TSPAN18: variants seen among roughly 807,000 people sequenced by gnomAD.
TSPAN18 encodes the protein tetraspanin-18.
In TSPAN18, 14 loss-of-function variants were observed where a neutral mutation model predicts 27.3. The observed-to-expected ratio is 0.51, with a 90% CI of 0.34 to 0.80. TSPAN18 has a LOEUF of 0.80. Ranked by LOEUF, TSPAN18 falls within the 30% of genes least tolerant of loss-of-function variation. TSPAN18 has a pLI of 0.01. For missense variants in TSPAN18, 268 were observed against 323.9 expected (o/e 0.83, Z 1.32); for synonymous variants, 143 against 136.5 (o/e 1.05, Z -0.33).
At chr11:44,870,002 C>T (rs112355487) in intron 3 of TSPAN18, among the ~76,000 whole-genome samples, 1 of 1,450 alleles carries the variant, frequency 6.9e-4, no homozygotes, top group Non-Finnish European at 0.013. Flanking sequence ...TGCCACACTT[C>T]CCCCAAGGGC....
At chr11:44,750,968 T>C (rs4755288) in intron 1 of TSPAN18, among the ~76,000 whole-genome samples, 12,954 of 152,312 alleles carry the variant, frequency 0.085, 1,559 homozygotes, top group African/African-American at 0.27. Flanking sequence ...GAAAGCAGGC[T>C]GCCCTTTGCT....
chr11:44,895,298 C>T (rs1859002134), intron 3 of TSPAN18, among the ~76,000 whole-genome samples: 1 of 152,232 alleles, frequency 6.6e-6, no homozygotes, highest in Non-Finnish European at 1.5e-5. Flanking sequence ...TTTCCAATAT[C>T]TGATGCTGCT....
At chr11:44,814,908 G>A (rs1016813400) in intron 2 of TSPAN18, among the ~76,000 whole-genome samples, 1 of 152,226 alleles carries the variant, frequency 6.6e-6, no homozygotes, top group Non-Finnish European at 1.5e-5. Flanking sequence ...ATGGAAGGGT[G>A]ACAATGGGGG....
chr11:44,754,070 C>T (rs1442620606), intron 1 of TSPAN18, among the ~76,000 whole-genome samples: 1 of 152,178 alleles, frequency 6.6e-6, no homozygotes. Context: ...TTAATCTCCA[C>T]GCTATGAATT....
chr11:44,841,620 T>C (rs1166917723), intron 2 of TSPAN18, among the ~76,000 whole-genome samples: 2 of 152,172 alleles, frequency 1.3e-5, no homozygotes, highest in Non-Finnish European at 2.9e-5. Flanking sequence ...GAAAGGCCTT[T>C]ATGGAGGGGA....
At chr11:44,803,359 A>C (rs1191014836) in intron 2 of TSPAN18, among the ~76,000 whole-genome samples, 3 of 152,174 alleles carry the variant, frequency 2.0e-5, no homozygotes, top group African/African-American at 7.2e-5. Flanking sequence ...TTTTTTCAGC[A>C]AAGAAGGTAT....
At chr11:44,811,415 A>G (rs550568351) in intron 2 of TSPAN18, among the ~76,000 whole-genome samples, 1 of 152,250 alleles carries the variant, frequency 6.6e-6, no homozygotes, top group Admixed American at 6.5e-5. Flanking sequence ...AGCACAATTA[A>G]TCTCCTAGTG....
chr11:44,799,094 C>T (rs372916481), intron 2 of TSPAN18, among the ~76,000 whole-genome samples: 22 of 150,864 alleles, frequency 1.5e-4, no homozygotes, highest in African/African-American at 4.4e-4. Flanking sequence ...TCTGGGAGCT[C>T]CCCAGAGAGT....
intron 6 of TSPAN18, 51 bp downstream of exon 6, chr11:44,918,097 G>A (rs534336642): frequency 6.3e-7 from 1 of 1,589,018 alleles, no homozygotes; most frequent in Non-Finnish European, 8.6e-7. Context: ...GCAAGGGGTT[G>A]GTGGCCATTC....
intron 2 of TSPAN18, among the ~76,000 whole-genome samples, chr11:44,799,951 C>T (rs1184702792): frequency 6.6e-6 from 1 of 151,908 alleles, no homozygotes; most frequent in African/African-American, 2.4e-5. Context: ...GTGTCTCAGC[C>T]TCCCGAGTAG....
chr11:44,847,897 G>A (rs909414822), intron 2 of TSPAN18, among the ~76,000 whole-genome samples: 1 of 151,810 alleles, frequency 6.6e-6, no homozygotes, highest in Non-Finnish European at 1.5e-5. Flanking sequence ...GCAATGGCGT[G>A]ATCTCAGCTC....
intron 2 of TSPAN18, among the ~76,000 whole-genome samples, chr11:44,798,241 A>G (rs1031422936): frequency 6.6e-6 from 1 of 152,220 alleles, no homozygotes; most frequent in African/African-American, 2.4e-5. Context: ...TCATAATAGC[A>G]GCTTCACTTA....
rs959077680 is a variant in TSPAN18, at chr11:44,774,662, C to A, written c.-153+10150C>A. Among the ~76,000 whole-genome samples the A allele has an allele frequency of 1.3e-4, 20 of 152,254 alleles. 1 individual carries two copies. The highest frequency in any genetic ancestry group is 3.4e-4 in the African/African-American group (14 of 41,544). Reference sequence around the variant, plus strand: ...CTTCCCTCCTTATTTCCCTCCCTTTCTTCTTTTTTTCTTTCCTCCATTCAC... The same window carrying A: ...CTTCCCTCCTTATTTCCCTCCCTTTATTCTTTTTTTCTTTCCTCCATTCAC... On this transcript the variant is annotated intron_variant, in intron 2 of 9. Coordinates refer to ENST00000520358, the MANE Select transcript of TSPAN18 (RefSeq NM_130783.5).
chr11:44,729,142 G>C (rs1208664874), intron 1 of TSPAN18, among the ~76,000 whole-genome samples: 1 of 152,206 alleles, frequency 6.6e-6, no homozygotes, highest in Non-Finnish European at 1.5e-5. Context: ...AGACAGATCA[G>C]CATGATTTTT....
chr11:44,754,153 G>A (rs1006212263), intron 1 of TSPAN18, among the ~76,000 whole-genome samples: 15 of 152,144 alleles, frequency 9.9e-5, no homozygotes, highest in Admixed American at 5.9e-4. Flanking sequence ...TGCCTCCTGC[G>A]GACCTTTTCT....
intron 2 of TSPAN18, among the ~76,000 whole-genome samples, chr11:44,819,902 G>A (rs948722460): frequency 3.3e-5 from 5 of 152,128 alleles, no homozygotes; most frequent in African/African-American, 9.7e-5. Flanking sequence ...ACAGATCCAG[G>A]CAAAGGTGTC....
Position 44,917,998 on chromosome 11 carries a change from C to T in TSPAN18, c.285C>T (p.Phe95=), listed in dbSNP as rs1859976975. The T allele has an allele frequency of 1.9e-6, 3 of 1,614,094 alleles. No homozygotes were observed. The highest frequency in any genetic ancestry group is 1.3e-5 in the African/African-American group (1 of 74,954). Reference sequence around the variant, plus strand: ...TCTTCCTGTTCATCCTGATCATCTTCCTGGCAGAGCTCTCAGCAGCCATCC... The same window carrying T: ...TCTTCCTGTTCATCCTGATCATCTTTCTGGCAGAGCTCTCAGCAGCCATCC... ...LFFFLFILII[F]LAELSAAILA... The change falls in exon 6 of 10, where the codon TTC becomes TTT. Residue 95 remains phenylalanine (F), a synonymous_variant. Coordinates refer to ENST00000520358, the MANE Select transcript of TSPAN18 (RefSeq NM_130783.5).
At chr11:44,908,774 A>G (rs866799407) in intron 4 of TSPAN18, among the ~76,000 whole-genome samples, 6 of 92,684 alleles carry the variant, frequency 6.5e-5, no homozygotes, top group African/African-American at 2.4e-4. Flanking sequence ...GAAAGGAGAA[A>G]GAAAGAAAGA....
In TSPAN18 at chr11:44,909,827, G is replaced by A. The variant is rs548586696; in HGVS notation, c.186G>A (p.Gly62=). The change falls in exon 5 of 10, where the codon GGG becomes GGA. Residue 62 remains glycine, a synonymous_variant. Transcript: ENST00000520358. ...GCGCCTACATCCTCCTGGCCATGGG[G>A]GGCCTGCTCTTTCTGCTCGGCTTCC... The part of the protein sequence containing the change: ...LTGAYILLAM[G]GLLFLLGFLG... 6.2e-7 allele frequency: 1 copy of A among 1,614,086 alleles called. No homozygotes were observed. The highest frequency in any genetic ancestry group is 1.3e-5 in the African/African-American group (1 of 75,070).
Sources: gnomAD v4.1 joint callset for allele counts (sites outside exome capture counted in the v4.1 genomes callset) on GRCh38, gnomAD v4.1.1 for gene constraint, MANE v1.5 for transcripts, NCBI Gene and HGNC (gene_info 2026-07-23, HGNC 2026-07-21) for gene names.